Variants in CLPTM1 observed in about 807,000 individuals in gnomAD.
CLPTM1 encodes CLPTM1 regulator of GABA type A receptor forward trafficking, also known as putative lipid scramblase CLPTM1.
CLPTM1 carries 21 observed loss-of-function variants against 77.3 expected under a neutral mutation model. The observed-to-expected ratio is 0.27, with a 90% CI of 0.19 to 0.39. The LOEUF is 0.39. Among genes scored for constraint, CLPTM1 ranks in the 10% least tolerant of loss-of-function variants. The pLI is 1.00. For missense variants in CLPTM1, 642 were observed against 921.2 expected (o/e 0.70, Z 3.92); for synonymous variants, 373 against 381.0 (o/e 0.98, Z 0.24).
At chr19:44,983,684 C>T (rs1970935123) in intron 5 of CLPTM1, among the ~76,000 whole-genome samples, 1 of 147,726 alleles carries the variant, frequency 6.8e-6, no homozygotes, top group Non-Finnish European at 1.5e-5. Flanking sequence ...CTTTTCGGGC[C>T]AGGTGCGGCA....
chr19:44,977,865 T>A (rs1970830661), intron 5 of CLPTM1, among the ~76,000 whole-genome samples: 1 of 152,048 alleles, frequency 6.6e-6, no homozygotes, highest in African/African-American at 2.4e-5. Flanking sequence ...CCTGTAATCC[T>A]AGCACTTTGG....
At position 44,992,755 on chromosome 19, in the gene CLPTM1, C is replaced by T. The variant is rs1183730239; in HGVS notation, c.1868C>T (p.Pro623Leu). 6.2e-7 allele frequency: 1 copy of T among 1,612,756 alleles called. No homozygotes were observed. The highest frequency in any genetic ancestry group is 2.2e-5 in the East Asian group (1 of 44,880). ...CCCACAGCAGCAGGGGCCCTCACGC[C>T]CACACCTGCACCCACCACGACCACC... ...EVPTAAGALTPTPAPTTTTAT... is the reference protein window; with the variant it reads ...EVPTAAGALTLTPAPTTTTAT... Residue 623 changes from proline to leucine, a missense_variant, in exon 14 of 14, where the codon CCC (proline) becomes CTC (leucine). Transcript: ENST00000337392. The surrounding 1 kb of genome is among the most constrained non-coding windows in gnomAD (Gnocchi z 7.7).
At chr19:44,965,411 T>C in intron 2 of CLPTM1, among the ~76,000 whole-genome samples, 1 of 151,230 alleles carries the variant, frequency 6.6e-6, no homozygotes, top group Non-Finnish European at 1.5e-5. Flanking sequence ...GGCAGGAGAA[T>C]CACTTGAACC....
chr19:44,993,003 G>T lies in CLPTM1; in HGVS notation c.*106G>T. 1 of 1,408,652 alleles carries T rather than the reference G, an allele frequency of 7.1e-7. No individual in the cohort carries two copies. Among genetic ancestry groups the T allele is most frequent in the Non-Finnish European group, 9.7e-7 (1 of 1,027,068 alleles). 87.3% of individuals were successfully genotyped at this position (1,408,652 alleles called of 1,614,324 possible). On this transcript the variant is annotated 3_prime_UTR_variant, in exon 14 of 14. Transcript: ENST00000337392. ...CCCTTTCCCTGGACAGATCAGGCCG[G>T]GGCGGTGGGAGGCCCGCCTCAGGTC...
At chr19:44,981,737 A>AC (rs532908843) in intron 5 of CLPTM1, among the ~76,000 whole-genome samples, 23 of 151,020 alleles carry the variant, frequency 1.5e-4, no homozygotes, top group East Asian at 7.9e-4. Context: ...ACATGGCAAA[A>AC]CCCCCCCTAA....
At chr19:44,973,765 T>TTTTTTG (rs71337247) in intron 3 of CLPTM1, among the ~76,000 whole-genome samples, 81,259 of 131,486 alleles carry the variant, frequency 0.62, 27,457 homozygotes, top group Non-Finnish European at 0.75. Context: ...CAGTGGGTTT[T>TTTTTTG]TTTTTTTTTT....
chr19:44,990,671 CG>C lies in CLPTM1; in HGVS notation c.1323+91del. The C allele has an allele frequency of 6.7e-7, 1 of 1,485,428 alleles. No individual in the cohort carries two copies. The allele number at this position is 1,485,428 out of a possible 1,614,324, so 92.0% of individuals were successfully genotyped here. On this transcript the variant is annotated intron_variant, in intron 10 of 13. Coordinates refer to ENST00000337392, the MANE Select transcript of CLPTM1 (RefSeq NM_001294.4). The surrounding 1 kb of genome is among the most constrained non-coding windows in gnomAD (Gnocchi z 4.8). ...CCAGCTGGACCCTGGAGCTGGCCCC[CG>C]GGGGATTCCCAGCAAGTGCCTCACT...
At chr19:44,958,121 G>A (rs1016468163) in intron 1 of CLPTM1, among the ~76,000 whole-genome samples, 2 of 152,194 alleles carry the variant, frequency 1.3e-5, no homozygotes, top group Non-Finnish European at 2.9e-5. Flanking sequence ...CCTCTCTGAG[G>A]AGGTGACGCT....
chr19:44,986,441 C>T lies in CLPTM1; in HGVS notation c.673-14C>T, dbSNP rs556696012. The T allele has an allele frequency of 4.0e-5, 64 of 1,613,264 alleles. No homozygotes were observed. In the South Asian group the frequency reaches 6.5e-4, roughly 16 times the overall value. On this transcript the variant is annotated splice_polypyrimidine_tract_variant and intron_variant, in intron 6 of 13. Coordinates refer to ENST00000337392, the MANE Select transcript of CLPTM1 (RefSeq NM_001294.4). ...CCACCTGCCTCTGAGGTCCTTCCCC[C>T]CATGTTGCCTCAGAGGGCTGAGGAC...
At position 44,993,172 on chromosome 19, in the gene CLPTM1, G is replaced by A. The variant is rs561909227; in HGVS notation, c.*275G>A. On this transcript the variant is annotated 3_prime_UTR_variant, in exon 14 of 14. Transcript: ENST00000337392. ...GGAATCATGGTGAAGCTGATGCAGC[G>A]TTGCCGAGGGGGTGGGTTGGGCGGG... 2.6e-5 allele frequency: 12 copies of A among 461,590 alleles called. No homozygotes were observed. Among genetic ancestry groups the A allele is most frequent in the Non-Finnish European group, 3.4e-5 (8 of 235,354 alleles). The allele number at this position is 461,590 out of a possible 1,614,324, so 28.6% of individuals were successfully genotyped here.
intron 2 of CLPTM1, among the ~76,000 whole-genome samples, chr19:44,964,683 T>A (rs1343605043): frequency 6.6e-6 from 1 of 152,198 alleles, no homozygotes; most frequent in African/African-American, 2.4e-5. Context: ...CCATCACCAT[T>A]ATCCATCCCG....
chr19:44,988,223 AG>A (rs772434669), intron 9 of CLPTM1, 50 bp downstream of exon 9: 1 of 1,335,474 alleles, frequency 7.5e-7, no homozygotes, highest in South Asian at 1.2e-5. Flanking sequence ...GGTGGGGGAC[AG>A]GACCTGCCCC....
At chr19:44,956,279 T>G (rs560470702) in intron 1 of CLPTM1, among the ~76,000 whole-genome samples, 1 of 152,312 alleles carries the variant, frequency 6.6e-6, no homozygotes, top group Admixed American at 6.5e-5. Flanking sequence ...GCTGACTCTC[T>G]GTGTGACCTT....
chr19:44,979,389 A>C (rs1970858287), intron 5 of CLPTM1, among the ~76,000 whole-genome samples: 1 of 152,052 alleles, frequency 6.6e-6, no homozygotes, highest in Non-Finnish European at 1.5e-5. Flanking sequence ...GCTTCCTCAG[A>C]AAGCCCCCCA....
intron 8 of CLPTM1, 175 bp downstream of exon 8, chr19:44,987,598 C>A (rs1399678532): frequency 1.2e-6 from 1 of 840,454 alleles, no homozygotes; most frequent in Non-Finnish European, 1.8e-6. Context: ...CCCAGCCCTC[C>A]AGCCCTAGAT....
intron 2 of CLPTM1, among the ~76,000 whole-genome samples, chr19:44,964,566 C>T (rs1268870821): frequency 6.6e-6 from 1 of 152,126 alleles, no homozygotes. Context: ...CCGCCTCAGC[C>T]TCCTAAAGTC....
chr19:44,966,911 G>A (rs1202575673), intron 2 of CLPTM1, among the ~76,000 whole-genome samples: 4 of 151,758 alleles, frequency 2.6e-5, no homozygotes, highest in Non-Finnish European at 5.9e-5. Flanking sequence ...GCGCGATCTC[G>A]GCTCACTGCA....
At chr19:44,976,934 G>A (rs2033133305) in intron 4 of CLPTM1, among the ~76,000 whole-genome samples, 1 of 152,192 alleles carries the variant, frequency 6.6e-6, no homozygotes. Flanking sequence ...GAAGTGCCCA[G>A]GGCAGGGTCT....
chr19:44,990,474 C>T lies in CLPTM1; in HGVS notation c.1212C>T (p.Phe404=), dbSNP rs773396556. Residue 404 remains phenylalanine (F), a synonymous_variant, in exon 10 of 14, where the codon TTC becomes TTT. Coordinates refer to ENST00000337392, the MANE Select transcript of CLPTM1 (RefSeq NM_001294.4). The surrounding 1 kb of genome is among the most constrained non-coding windows in gnomAD (Gnocchi z 4.8). ...TCTTCTTCGGCGTTTTCCAGTCATT[C>T]GTGGTCCTCCTCTACATCCTGGACA... ...RSVFFGVFQS[F]VVLLYILDNE... is the part of the protein sequence containing the mutation. The T allele has an allele frequency of 8.1e-6, 13 of 1,614,004 alleles. No individual in the cohort carries two copies. Among genetic ancestry groups the T allele is most frequent in the Admixed American group, 3.3e-5 (2 of 59,994 alleles).
Sources: gnomAD v4.1 joint callset for allele counts (sites outside exome capture counted in the v4.1 genomes callset) on GRCh38, gnomAD v4.1.1 for gene constraint, Gnocchi (gnomAD v3.1) non-coding constraint, MANE v1.5 for transcripts, NCBI Gene and HGNC (gene_info 2026-07-23, HGNC 2026-07-21) for gene names.